PEX5L: variants seen among roughly 807,000 people sequenced by gnomAD.
PEX5L encodes the protein PEX5-related protein.
Under a neutral mutation model 84.0 loss-of-function variants are expected in PEX5L, and 30 were observed. The ratio of observed to expected loss-of-function variants is 0.36; its 90% confidence interval spans 0.27 to 0.48. PEX5L has a LOEUF of 0.48. Ranked by LOEUF, PEX5L falls within the 20% of genes least tolerant of loss-of-function variation. The pLI is 0.99. For missense variants in PEX5L, 533 were observed against 754.6 expected, an observed-to-expected ratio of 0.71 and a Z score of 3.44; for synonymous variants, 270 against 283.1, an observed-to-expected ratio of 0.95 and a Z score of 0.46.
chr3:179,834,433 T>A (rs1290634529), intron 8 of PEX5L, among the ~76,000 whole-genome samples: 1 of 152,138 alleles, frequency 6.6e-6, no homozygotes, highest in Non-Finnish European at 1.5e-5. Context: ...GTGGTAAACA[T>A]CCATCAAGCC....
intron 2 of PEX5L, among the ~76,000 whole-genome samples, chr3:179,943,962 T>C (rs1325646672): frequency 6.6e-6 from 1 of 152,000 alleles, no homozygotes. Context: ...CTACTCTCAA[T>C]GGGGCTCTCT....
intron 1 of PEX5L, among the ~76,000 whole-genome samples, chr3:179,978,765 C>T (rs1046993005): frequency 3.9e-5 from 6 of 152,100 alleles, no homozygotes; most frequent in African/African-American, 1.4e-4. Context: ...TATATTCTCA[C>T]CATTAAGTGT....
intron 1 of PEX5L, among the ~76,000 whole-genome samples, chr3:179,991,687 A>G (rs533086172): frequency 2.0e-5 from 3 of 152,246 alleles, no homozygotes; most frequent in Middle Eastern, 3.4e-3. Flanking sequence ...TGCGTCTTCC[A>G]TCTCTGACTC....
intron 13 of PEX5L, 146 bp from the exon 14 acceptor site, chr3:179,807,977 A>G (rs1722064135): frequency 1.4e-6 from 1 of 718,464 alleles, no homozygotes; most frequent in South Asian, 2.4e-5. Flanking sequence ...ATTACTAAAA[A>G]ATCTTCACGG....
chr3:179,951,829 T>G lies in PEX5L; in HGVS notation c.93+19765A>C, dbSNP rs576758402. 1.1e-4 allele frequency among the ~76,000 whole-genome samples: 17 copies of G among 152,322 alleles called. No individual in the cohort carries two copies. The South Asian group carries it at 2.1e-3, about 19-fold the overall frequency. On this transcript the variant is annotated intron_variant, in intron 2 of 14. Coordinates refer to ENST00000467460, the MANE Select transcript of PEX5L (RefSeq NM_016559.3). ...CATGCCATGTGGTCCATGGGGAGTG[T>G]TCAATGTTGATGATGGAGGTGATGA...
chr3:179,903,521 T>C (rs1280415767), intron 2 of PEX5L, among the ~76,000 whole-genome samples: 1 of 152,222 alleles, frequency 6.6e-6, no homozygotes, highest in Non-Finnish European at 1.5e-5. Context: ...TGAGTCACCA[T>C]ACCTGGCACG....
intron 1 of PEX5L, among the ~76,000 whole-genome samples, chr3:180,035,705 T>C (rs1791842353): frequency 6.6e-6 from 1 of 152,190 alleles, no homozygotes; most frequent in Non-Finnish European, 1.5e-5. Flanking sequence ...CACATAATGA[T>C]TGTATTTGAC....
At position 180,036,576 on chromosome 3, in the gene PEX5L, T is replaced by C. The variant is rs1177401663; in HGVS notation, c.21+3A>G. 2 of 1,614,024 alleles carry C rather than the reference T, an allele frequency of 1.2e-6. No homozygotes were observed. Among genetic ancestry groups the C allele is most frequent in the South Asian group, 2.2e-5 (2 of 91,078 alleles). On this transcript the variant is annotated splice_donor_region_variant and intron_variant, in intron 1 of 14. Transcript: ENST00000467460. Reference sequence around the variant, plus strand: ...TCTCTCCAGCCCTATAGAAATGTCTTACCTGCATGTGTCCCTGGTACATTC... The same window carrying C: ...TCTCTCCAGCCCTATAGAAATGTCTCACCTGCATGTGTCCCTGGTACATTC...
At position 180,033,175 on chromosome 3, in the gene PEX5L, T is replaced by C. The variant is rs9874529; in HGVS notation, c.21+3404A>G. On this transcript the variant is annotated intron_variant, in intron 1 of 14. Transcript: ENST00000467460. ...TCATATAGAAAAACAAATGCAAAAC[T>C]CCCCTGGGGGAAAACAAATGGCTAC... Among the ~76,000 whole-genome samples the C allele has an allele frequency of 8.5e-3, 1,299 of 152,260 alleles. 15 individuals are homozygous for C. The highest frequency in any genetic ancestry group is 0.03 in the African/African-American group (1,239 of 41,534).
At chr3:179,950,626 C>T (rs1778842924) in intron 2 of PEX5L, among the ~76,000 whole-genome samples, 1 of 152,222 alleles carries the variant, frequency 6.6e-6, no homozygotes, top group Non-Finnish European at 1.5e-5. Flanking sequence ...CCAGCAAGCA[C>T]ATGCTGTCTA....
rs557744795 is a variant in PEX5L at position 179,796,632 on chromosome 3, G to A, written c.*5196C>T. On this transcript the variant is annotated 3_prime_UTR_variant, in exon 15 of 15. Coordinates refer to ENST00000467460, the MANE Select transcript of PEX5L (RefSeq NM_016559.3). ...TGTGTGTGAGGGTACCGGGGTATAT[G>A]GAGTGAGTAACAAAGCTGTTACTAA... is the stretch of plus-strand genomic sequence containing the variant. 1 of 152,216 alleles carries A rather than the reference G, an allele frequency of 6.6e-6. No individual in the cohort carries two copies. Among genetic ancestry groups the A allele is most frequent in the East Asian group, 1.9e-4 (1 of 5,190 alleles). The allele number at this position is 152,216 out of a possible 1,614,324, so 9.4% of individuals were successfully genotyped here.
At chr3:179,883,378 T>G (rs772405759) in intron 4 of PEX5L, among the ~76,000 whole-genome samples, 1 of 152,212 alleles carries the variant, frequency 6.6e-6, no homozygotes, top group Admixed American at 6.5e-5. Context: ...CCAGTCACCC[T>G]TGTAGCACTT....
intron 8 of PEX5L, among the ~76,000 whole-genome samples, chr3:179,826,458 G>A (rs1730531288): frequency 6.6e-6 from 1 of 152,126 alleles, no homozygotes; most frequent in Admixed American, 6.5e-5. Context: ...AAAAAGAACT[G>A]CTGTTAATGT....
At chr3:179,882,358 TA>T (rs1754417073) in intron 4 of PEX5L, among the ~76,000 whole-genome samples, 1 of 152,256 alleles carries the variant, frequency 6.6e-6, no homozygotes, top group Admixed American at 6.5e-5. Flanking sequence ...CTTGGCTCAG[TA>T]AGGTTCTTTC....
intron 8 of PEX5L, among the ~76,000 whole-genome samples, chr3:179,844,291 A>C (rs113591232): frequency 1.1e-3 from 169 of 152,332 alleles, no homozygotes; most frequent in Non-Finnish European, 2.2e-3. Flanking sequence ...GGATCTGTAA[A>C]ATGAAACTTC....
intron 2 of PEX5L, among the ~76,000 whole-genome samples, chr3:179,957,227 G>A (rs1235093172): frequency 1.3e-5 from 2 of 152,166 alleles, no homozygotes; most frequent in Non-Finnish European, 2.9e-5. Context: ...TCAGGACCAT[G>A]GGTGATACTT....
At chr3:179,926,087 C>A (rs1771360233) in intron 2 of PEX5L, among the ~76,000 whole-genome samples, 1 of 152,126 alleles carries the variant, frequency 6.6e-6, no homozygotes, top group Non-Finnish European at 1.5e-5. Context: ...TGGCAATTAT[C>A]CCACGTTCTC....
At chr3:179,922,209 G>A (rs1424077844) in intron 2 of PEX5L, among the ~76,000 whole-genome samples, 1 of 152,164 alleles carries the variant, frequency 6.6e-6, no homozygotes, top group African/African-American at 2.4e-5. Context: ...GGGGGAATGT[G>A]GCAAACAATA....
Position 179,808,392 on chromosome 3 carries a change from G to A in PEX5L, c.1398C>T (p.His466=). The A allele has an allele frequency of 3.2e-6, 5 of 1,581,116 alleles. No homozygotes were observed. Among genetic ancestry groups the A allele is most frequent in the Non-Finnish European group, 4.3e-6 (5 of 1,165,740 alleles). ...GVKELYLEAA[H]QNGDMIDPDL... is the part of the protein sequence containing the mutation. ...CTGGGTCGATCATATCTCCATTTTG[G>A]TGGGCAGCTTCCAGATATAATTCCT... The change falls in exon 13 of 15, where the codon CAC becomes CAT. Residue 466 remains histidine, a synonymous_variant. Coordinates refer to ENST00000467460, the MANE Select transcript of PEX5L (RefSeq NM_016559.3).
Sources: gnomAD v4.1 joint callset for allele counts (sites outside exome capture counted in the v4.1 genomes callset) on GRCh38, gnomAD v4.1.1 for gene constraint, MANE v1.5 for transcripts, NCBI Gene and HGNC (gene_info 2026-07-23, HGNC 2026-07-21) for gene names.